Variants in ENTPD1 observed in about 807,000 individuals in gnomAD.
The protein encoded by ENTPD1 is ectonucleoside triphosphate diphosphohydrolase 1, also known as ATP diphosphohydrolase.
Under a neutral mutation model 57.0 loss-of-function variants are expected in ENTPD1, and 33 were observed. The observed-to-expected ratio is 0.58, with a 90% CI of 0.44 to 0.77. The LOEUF is 0.77. ENTPD1 is among the 30% of genes least tolerant of loss of function. The pLI, the probability that ENTPD1 is intolerant of heterozygous loss-of-function variation, is 0.00. For synonymous variants in ENTPD1, 202 were observed against 218.8 expected (o/e 0.92, Z 0.68); for missense variants, 501 against 603.4 (o/e 0.83, Z 1.78).
chr10:95,758,489 A>G (rs2098040243), intron 1 of ENTPD1, among the ~76,000 whole-genome samples: 1 of 152,144 alleles, frequency 6.6e-6, no homozygotes, highest in South Asian at 2.1e-4. Flanking sequence ...AGCCTTCTCT[A>G]ATCCTTCAAG....
chr10:95,733,053 G>A (rs2097990937), intron 1 of ENTPD1, among the ~76,000 whole-genome samples: 2 of 152,180 alleles, frequency 1.3e-5, no homozygotes, highest in South Asian at 2.1e-4. Context: ...TTTACTCACC[G>A]TAATAGGCCT....
At chr10:95,829,922 T>G (rs992613171) in intron 2 of ENTPD1, among the ~76,000 whole-genome samples, 1 of 152,010 alleles carries the variant, frequency 6.6e-6, no homozygotes, top group Non-Finnish European at 1.5e-5. Flanking sequence ...GGTTAGTTAT[T>G]ATTAGAGTAG....
chr10:95,712,927 G>C (rs764982074), intron 1 of ENTPD1, among the ~76,000 whole-genome samples: 1 of 152,052 alleles, frequency 6.6e-6, no homozygotes, highest in East Asian at 1.9e-4. Flanking sequence ...CCAACTACTC[G>C]GGAGGCTGAG....
intron 1 of ENTPD1, among the ~76,000 whole-genome samples, chr10:95,815,165 A>C (rs1019882929): frequency 3.3e-5 from 5 of 152,306 alleles, no homozygotes; most frequent in Admixed American, 3.3e-4. Context: ...AGACCTTTCC[A>C]TTTAGATAGA....
chr10:95,789,403 C>T (rs2098193977), intron 1 of ENTPD1, among the ~76,000 whole-genome samples: 1 of 152,068 alleles, frequency 6.6e-6, no homozygotes, highest in African/African-American at 2.4e-5. Context: ...AACTGGCATG[C>T]ATTTATTGAA....
intron 4 of ENTPD1, 79 bp from the exon 5 acceptor site, chr10:95,844,397 G>C (rs1566227227): frequency 4.4e-6 from 7 of 1,589,804 alleles, no homozygotes; most frequent in Non-Finnish European, 6.0e-6. Flanking sequence ...GTAGCACTGT[G>C]TGGATGCTGT....
At chr10:95,799,734 A>G (rs371355500) in intron 1 of ENTPD1, among the ~76,000 whole-genome samples, 8 of 152,284 alleles carry the variant, frequency 5.3e-5, no homozygotes, top group South Asian at 4.1e-4. Context: ...AAATGGTTAA[A>G]CTAATTTACA....
At chr10:95,805,076 A>G (rs527772301) in intron 1 of ENTPD1, among the ~76,000 whole-genome samples, 1 of 152,192 alleles carries the variant, frequency 6.6e-6, no homozygotes, top group East Asian at 1.9e-4. Flanking sequence ...TCTGTCTAAT[A>G]TTGACAGTGG....
intron 7 of ENTPD1, among the ~76,000 whole-genome samples, chr10:95,854,284 T>G (rs2098450545): frequency 1.3e-5 from 2 of 152,194 alleles, no homozygotes; most frequent in Non-Finnish European, 2.9e-5. Flanking sequence ...TGATATCCCC[T>G]TTACCATTTT....
At chr10:95,758,963 C>G (rs969401048) in intron 1 of ENTPD1, among the ~76,000 whole-genome samples, 2 of 152,224 alleles carry the variant, frequency 1.3e-5, no homozygotes, top group African/African-American at 4.8e-5. Flanking sequence ...TCATCAGCCC[C>G]TGGGACAGGT....
intron 1 of ENTPD1, among the ~76,000 whole-genome samples, chr10:95,738,213 A>G (rs1202339890): frequency 3.3e-5 from 5 of 152,230 alleles, no homozygotes; most frequent in African/African-American, 1.2e-4. Context: ...CAGTAGCCTC[A>G]TAGGGAGAAA....
upstream of ENTPD1, among the ~76,000 whole-genome samples, chr10:95,708,597 T>C (rs1246791059): frequency 6.6e-6 from 1 of 152,206 alleles, no homozygotes; most frequent in Non-Finnish European, 1.5e-5. Context: ...TTGGAAACAA[T>C]GTAAATGTCT....
chr10:95,815,800 G>C (rs879646882), intron 1 of ENTPD1, among the ~76,000 whole-genome samples: 5 of 152,240 alleles, frequency 3.3e-5, no homozygotes, highest in Non-Finnish European at 5.9e-5. Context: ...AGGACTGGAA[G>C]TTTATTGAAA....
chr10:95,765,595 A>G (rs1302339398), intron 1 of ENTPD1, among the ~76,000 whole-genome samples: 2 of 152,156 alleles, frequency 1.3e-5, no homozygotes, highest in Admixed American at 1.3e-4. Flanking sequence ...ACAGCTTGGT[A>G]GTAAGTTTTG....
the ENTPD1 span, among the ~76,000 whole-genome samples, chr10:95,697,117 G>C: frequency 6.6e-6 from 1 of 152,194 alleles, no homozygotes; most frequent in Non-Finnish European, 1.5e-5. Context: ...TACAGAAATG[G>C]AAGTGACTCT....
intron 1 of ENTPD1, among the ~76,000 whole-genome samples, chr10:95,747,392 G>A (rs1030374704): frequency 6.6e-6 from 1 of 152,138 alleles, no homozygotes; most frequent in Non-Finnish European, 1.5e-5. Flanking sequence ...GTTACTTTGG[G>A]CATTTATTTT....
At chr10:95,732,204 C>CT (rs1216480960) in intron 1 of ENTPD1, among the ~76,000 whole-genome samples, 1 of 152,198 alleles carries the variant, frequency 6.6e-6, no homozygotes, top group Non-Finnish European at 1.5e-5. Context: ...GATTACAGTG[C>CT]TATTGCCACC....
chr10:95,801,944 A>G (rs774157474), intron 1 of ENTPD1, among the ~76,000 whole-genome samples: 1 of 152,178 alleles, frequency 6.6e-6, no homozygotes, highest in Non-Finnish European at 1.5e-5. Flanking sequence ...AATGATATGG[A>G]TTCTTCCTAT....
chr10:95,748,267 A>G (rs2098008202), intron 1 of ENTPD1, among the ~76,000 whole-genome samples: 1 of 152,194 alleles, frequency 6.6e-6, no homozygotes, highest in African/African-American at 2.4e-5. Context: ...TAACTACCCA[A>G]GTCCATTTTG....
Sources: allele counts gnomAD v4.1 joint callset (sites outside exome capture counted in the v4.1 genomes callset), GRCh38; gene constraint gnomAD v4.1.1; transcripts MANE v1.5; gene names NCBI Gene and HGNC (gene_info 2026-07-23, HGNC 2026-07-21).